The following SGCD variants were observed in gnomAD, a reference collection of about 807,000 sequenced individuals.
SGCD encodes the protein sarcoglycan delta.
SGCD carries 18 observed loss-of-function variants against 36.6 expected under a neutral mutation model. The ratio of observed to expected loss-of-function variants is 0.49; its 90% CI spans 0.34 to 0.73. The LOEUF (loss-of-function observed/expected upper bound fraction) is 0.73, where lower values mean the gene tolerates loss of function less well. Among genes scored for constraint, SGCD ranks in the 30% least tolerant of loss-of-function variants. SGCD has a pLI of 0.01. For missense variants in SGCD, 387 were observed against 346.7 expected (o/e 1.12, Z -0.92); for synonymous variants, 133 against 130.6 (o/e 1.02, Z -0.12).
intron 7 of SGCD, among the ~76,000 whole-genome samples, chr5:156,727,461 A>C (rs1431197285): frequency 2.0e-5 from 3 of 152,234 alleles, no homozygotes; most frequent in Non-Finnish European, 4.4e-5. Context: ...ATTTGATTGG[A>C]GATAGACCAA....
chr5:156,180,493 T>A (rs2127626762), intron 3 of SGCD, among the ~76,000 whole-genome samples: 1 of 152,234 alleles, frequency 6.6e-6, no homozygotes, highest in South Asian at 2.1e-4. Context: ...AGTAAGTAAT[T>A]TTAATAAAAA....
intron 4 of SGCD, among the ~76,000 whole-genome samples, chr5:156,547,927 A>G (rs1225295554): frequency 6.6e-6 from 1 of 152,202 alleles, no homozygotes; most frequent in Non-Finnish European, 1.5e-5. Flanking sequence ...TCTTGAGGCA[A>G]GTCAAACTCC....
chr5:155,741,816 C>T, the SGCD span, among the ~76,000 whole-genome samples: 1 of 151,932 alleles, frequency 6.6e-6, no homozygotes, highest in Non-Finnish European at 1.5e-5. Context: ...CCTCAGCCTC[C>T]CAAGTAGCTG....
the SGCD span, among the ~76,000 whole-genome samples, chr5:155,862,917 C>A: frequency 1.3e-5 from 2 of 152,292 alleles, no homozygotes; most frequent in East Asian, 3.9e-4. Flanking sequence ...TTGTTTGGAA[C>A]CCTGACAAAG....
chr5:156,255,740 C>T (rs1581199088), intron 3 of SGCD, among the ~76,000 whole-genome samples: 2 of 151,980 alleles, frequency 1.3e-5, no homozygotes, highest in East Asian at 1.9e-4. Context: ...TTATTTGAAC[C>T]TTCTGTCCTT....
At chr5:155,760,113 A>G in the SGCD span, among the ~76,000 whole-genome samples, 4 of 151,532 alleles carry the variant, frequency 2.6e-5, no homozygotes, top group African/African-American at 9.7e-5. Context: ...CACCCTCTCC[A>G]TCAACCTCTC....
chr5:156,019,193 A>C (rs544984842), intron 1 of SGCD, among the ~76,000 whole-genome samples: 1 of 152,372 alleles, frequency 6.6e-6, no homozygotes, highest in East Asian at 1.9e-4. Context: ...TCACATTGAA[A>C]GAGTGATGAA....
intron 1 of SGCD, among the ~76,000 whole-genome samples, chr5:155,991,832 G>C (rs1361084907): frequency 6.6e-6 from 1 of 152,132 alleles, no homozygotes; most frequent in Non-Finnish European, 1.5e-5. Flanking sequence ...ACTCCACAAA[G>C]ACTTTTTTTC....
chr5:156,438,357 T>A (rs1381128338), intron 3 of SGCD, among the ~76,000 whole-genome samples: 1 of 152,122 alleles, frequency 6.6e-6, no homozygotes, highest in African/African-American at 2.4e-5. Context: ...GTGGTGGACT[T>A]TGGCTCCGTT....
chr5:155,964,231 A>G (rs1228159114), intron 1 of SGCD, among the ~76,000 whole-genome samples: 1 of 152,108 alleles, frequency 6.6e-6, no homozygotes, highest in Non-Finnish European at 1.5e-5. Flanking sequence ...TTTTTTAGAT[A>G]TCTGTGTTGG....
intron 7 of SGCD, among the ~76,000 whole-genome samples, chr5:156,752,291 C>T (rs1242138988): frequency 6.6e-6 from 1 of 152,112 alleles, no homozygotes; most frequent in South Asian, 2.1e-4. Context: ...TTGTTACTCC[C>T]GGGGGGAAGG....
At chr5:156,740,391 T>C (rs1237284555) in intron 7 of SGCD, among the ~76,000 whole-genome samples, 1 of 152,220 alleles carries the variant, frequency 6.6e-6, no homozygotes, top group Non-Finnish European at 1.5e-5. Flanking sequence ...TTCAGGTCAA[T>C]GAAGAAATTG....
chr5:156,277,216 G>A (rs993186127), intron 3 of SGCD, among the ~76,000 whole-genome samples: 1 of 152,136 alleles, frequency 6.6e-6, no homozygotes, highest in Admixed American at 6.5e-5. Context: ...TCTGCCCCAG[G>A]AGGAGTCTTC....
intron 1 of SGCD, among the ~76,000 whole-genome samples, chr5:156,039,466 A>G (rs1759583939): frequency 6.6e-6 from 1 of 150,552 alleles, no homozygotes; most frequent in South Asian, 2.1e-4. Flanking sequence ...GCATGATGGT[A>G]TCTAAGCATG....
chr5:155,913,453 C>A lies in SGCD; in HGVS notation c.-282+43029C>A, dbSNP rs142004054. On this transcript the variant is annotated intron_variant, in intron 1 of 9. Coordinates refer to the SGCD transcript ENST00000517913. ...TTCCAAGGCAAGCCTCCTTTGGAAC[C>A]TTTTAGGGAACCTTTTAGGGAAATC... 4.1e-3 allele frequency among the ~76,000 whole-genome samples: 624 copies of A among 151,466 alleles called. 1 individual carries two copies. The highest frequency in any genetic ancestry group is 7.2e-3 in the Non-Finnish European group (489 of 67,880).
the SGCD span, among the ~76,000 whole-genome samples, chr5:155,836,578 A>C: frequency 1.3e-5 from 2 of 151,642 alleles, no homozygotes; most frequent in Non-Finnish European, 2.9e-5. Context: ...GAGGGAAAGC[A>C]GACATGGGCA....
intron 1 of SGCD, among the ~76,000 whole-genome samples, chr5:156,060,596 A>G (rs1471609482): frequency 2.1e-5 from 3 of 145,720 alleles, no homozygotes; most frequent in Non-Finnish European, 4.6e-5. Context: ...AAAGAAATTT[A>G]TGTACCTTCA....
chr5:156,035,158 G>T (rs1020455163), intron 1 of SGCD, among the ~76,000 whole-genome samples: 1 of 152,158 alleles, frequency 6.6e-6, no homozygotes, highest in Non-Finnish European at 1.5e-5. Flanking sequence ...TTTCCTCGGT[G>T]AGTCTGTTTG....
intron 4 of SGCD, among the ~76,000 whole-genome samples, chr5:156,561,758 T>C (rs148873423): frequency 1.3e-5 from 2 of 152,328 alleles, no homozygotes; most frequent in East Asian, 3.9e-4. Flanking sequence ...TTTTTTTTAT[T>C]CTTTTTCATG....
Sources: gnomAD v4.1 joint callset for allele counts (sites outside exome capture counted in the v4.1 genomes callset) on GRCh38, gnomAD v4.1.1 for gene constraint, MANE v1.5 for transcripts, NCBI Gene and HGNC (gene_info 2026-07-23, HGNC 2026-07-21) for gene names.